The following PCDHGB7 variants were observed in gnomAD, a reference collection of about 807,000 sequenced individuals.
PCDHGB7 encodes the protein protocadherin gamma-B7.
Under a neutral mutation model 61.4 loss-of-function variants are expected in PCDHGB7, and 37 were observed. That is an observed-to-expected ratio of 0.60 (90% CI 0.46 to 0.79). PCDHGB7 has a LOEUF of 0.79. Ranked by LOEUF, PCDHGB7 falls within the 30% of genes least tolerant of loss-of-function variation. PCDHGB7 has a pLI of 0.00. For missense variants in PCDHGB7, 1,166 were observed against 1,202.5 expected (o/e 0.97, Z 0.45); for synonymous variants, 464 against 503.5 (o/e 0.92, Z 1.05).
In PCDHGB7 at chr5:141,476,839, G is replaced by T; in HGVS notation, c.2416-17968G>T. The T allele has an allele frequency of 1.9e-6, 3 of 1,613,610 alleles. No individual in the cohort carries two copies. Among genetic ancestry groups the T allele is most frequent in the East Asian group, 2.2e-5 (1 of 44,862 alleles). ...AGGTGCTGGACGCGAATGACAATGC[G>T]CCTGTCTTCAACCAGTCCTTGTACC... On this transcript the variant is annotated intron_variant, in intron 1 of 3. Coordinates refer to ENST00000398594, the MANE Select transcript of PCDHGB7 (RefSeq NM_018927.4). This position sits in a 1 kb window ranked among gnomAD's most constrained non-coding sequence, Gnocchi z 7.6.
chr5:141,484,907 C>T, intron 1 of PCDHGB7: 1 of 409,994 alleles, frequency 2.4e-6, no homozygotes, highest in Non-Finnish European at 4.3e-6. Context: ...AATGCTGCGA[C>T]GCATTAACCC....
rs1303365585 is a variant in PCDHGB7 at position 141,511,350 on chromosome 5, C to A, written c.*177C>A. 2.1e-5 allele frequency: 30 copies of A among 1,397,076 alleles called. No individual in the cohort carries two copies. Among genetic ancestry groups the A allele is most frequent in the African/African-American group, 1.7e-4 (12 of 68,780 alleles). The allele number at this position is 1,397,076 out of a possible 1,614,324, so 86.5% of individuals were successfully genotyped here. Reference sequence around the variant, plus strand: ...CCCAGTCAGCACCTACCCCTTCCCCCCCAGGGGGTTGAATATGCAAAAGCA... The same window carrying A: ...CCCAGTCAGCACCTACCCCTTCCCCACCAGGGGGTTGAATATGCAAAAGCA... On this transcript the variant is annotated 3_prime_UTR_variant, in exon 4 of 4. Transcript: ENST00000398594.
intron 1 of PCDHGB7, among the ~76,000 whole-genome samples, chr5:141,424,964 A>G (rs62378457): frequency 0.11 from 16,148 of 152,126 alleles, 960 homozygotes; most frequent in African/African-American, 0.17. Flanking sequence ...ATTTGCCCCA[A>G]ATTACTTGGA....
At chr5:141,470,851 A>G (rs1410012138) in intron 1 of PCDHGB7, among the ~76,000 whole-genome samples, 2 of 151,876 alleles carry the variant, frequency 1.3e-5, no homozygotes, top group Non-Finnish European at 2.9e-5. Context: ...CCATGCTCAG[A>G]TAAGTTTTTT....
chr5:141,489,238 G>A lies in PCDHGB7; in HGVS notation c.2416-5569G>A. On this transcript the variant is annotated intron_variant, in intron 1 of 3. Coordinates refer to ENST00000398594, the MANE Select transcript of PCDHGB7 (RefSeq NM_018927.4). The surrounding 1 kb of genome is among the most constrained non-coding windows in gnomAD (Gnocchi z 4.5). ...TTACTCTCCACAAAGGGACTTCTGG[G>A]TCATGGGGCCCAAGACACTCCCACA... 6.5e-7 allele frequency: 1 copy of A among 1,534,146 alleles called. No homozygotes were observed.
chr5:141,433,843 A>C (rs2097657951), intron 1 of PCDHGB7, among the ~76,000 whole-genome samples: 1 of 151,956 alleles, frequency 6.6e-6, no homozygotes, highest in African/African-American at 2.4e-5. Context: ...ATCTCAAAAA[A>C]AAAAAAAAAA....
chr5:141,426,614 G>T (rs1468159807), intron 1 of PCDHGB7: 25 of 385,508 alleles, frequency 6.5e-5, no homozygotes, highest in Non-Finnish European at 1.3e-4. Context: ...TTGTAGCAGA[G>T]AATCCTCTAA....
chr5:141,425,242 G>A (rs2096863400), intron 1 of PCDHGB7, among the ~76,000 whole-genome samples: 1 of 152,128 alleles, frequency 6.6e-6, no homozygotes, highest in South Asian at 2.1e-4. Context: ...TAAATAAAAA[G>A]GATATGAGGT....
chr5:141,476,666 G>C lies in PCDHGB7; in HGVS notation c.2416-18141G>C, dbSNP rs2099395856. On this transcript the variant is annotated intron_variant, in intron 1 of 3. Coordinates refer to ENST00000398594, the MANE Select transcript of PCDHGB7 (RefSeq NM_018927.4). This position sits in a 1 kb window ranked among gnomAD's most constrained non-coding sequence, Gnocchi z 7.6. The stretch of plus-strand genomic sequence containing the variant: ...CCGAAATGAATACTTTGCGCTTCGC[G>C]TGCAGACGCGGGAGGACAGCACCAA... 6.2e-7 allele frequency: 1 copy of C among 1,614,246 alleles called. No individual in the cohort carries two copies. The highest frequency in any genetic ancestry group is 8.5e-7 in the Non-Finnish European group (1 of 1,180,044).
Position 141,420,249 on chromosome 5 carries a change from A to C in PCDHGB7, c.2390A>C (p.Glu797Ala). 4 of 1,580,072 alleles carry C rather than the reference A, an allele frequency of 2.5e-6. No homozygotes were observed. In the Admixed American group the frequency reaches 7.3e-5, roughly 29 times the overall value. Residue 797 changes from glutamate (E) to alanine (A), a missense_variant, in exon 1 of 4, where the codon GAA becomes GCA. Glu to Ala is a moderately radical substitution (Grantham distance 107). Transcript: ENST00000398594. ...LLASILTPSV[E>A]ADKKILKQQA... The stretch of plus-strand genomic sequence containing the variant: ...GCTAGCATTTTAACTCCCAGCGTTG[A>C]AGCAGATAAGAAGATTCTTAAACAG...
chr5:141,431,770 T>A lies in PCDHGB7; in HGVS notation c.2415+11496T>A, dbSNP rs748816389. 7 of 1,614,086 alleles carry A rather than the reference T, an allele frequency of 4.3e-6. No homozygotes were observed. The highest frequency in any genetic ancestry group is 1.3e-5 in the African/African-American group (1 of 74,938). ...CGCGAGCCAAAGTCCTGATCACTGT[T>A]CTGGACGTGAACGACAATGCCCCAG... On this transcript the variant is annotated intron_variant, in intron 1 of 3. Coordinates refer to ENST00000398594, the MANE Select transcript of PCDHGB7 (RefSeq NM_018927.4). This position sits in a 1 kb window ranked among gnomAD's most constrained non-coding sequence, Gnocchi z 4.8.
chr5:141,502,308 C>T (rs928137926), intron 2 of PCDHGB7, among the ~76,000 whole-genome samples: 2 of 151,586 alleles, frequency 1.3e-5, no homozygotes, highest in Non-Finnish European at 2.9e-5. Flanking sequence ...CTTTCCTCTC[C>T]TTTAATCTGG....
chr5:141,510,613 C>T (rs559713771), intron 3 of PCDHGB7, among the ~76,000 whole-genome samples: 17 of 152,298 alleles, frequency 1.1e-4, no homozygotes, highest in Admixed American at 2.0e-4. Context: ...TTAGCATTCA[C>T]TAAAACCAGA....
intron 1 of PCDHGB7, chr5:141,427,985 C>T (rs747784722): frequency 3.1e-6 from 5 of 1,597,522 alleles, no homozygotes; most frequent in African/African-American, 2.7e-5. Context: ...CGCTGGGGCC[C>T]GATGGCTCCG....
chr5:141,479,752 T>C (rs770200359), intron 1 of PCDHGB7: 4 of 152,236 alleles, frequency 2.6e-5, no homozygotes, highest in Non-Finnish European at 4.4e-5. Context: ...ATGTGAAAGG[T>C]AGATAAATTC....
At position 141,418,465 on chromosome 5, in the gene PCDHGB7, A is replaced by G. The variant is rs2096261082; in HGVS notation, c.606A>G (p.Arg202=). ...PELVLQKTLD[R]ETQSAHHLVL... is the part of the protein sequence containing the mutation. ...TAGTATTGCAGAAGACTCTGGACCG[A>G]GAAACGCAGAGCGCTCACCACTTGG... Residue 202 remains arginine (R), a synonymous_variant, in exon 1 of 4, where the codon CGA becomes CGG. Transcript: ENST00000398594. 1 of 1,614,022 alleles carries G rather than the reference A, an allele frequency of 6.2e-7. No individual in the cohort carries two copies. The highest frequency in any genetic ancestry group is 8.5e-7 in the Non-Finnish European group (1 of 1,179,892).
chr5:141,479,625 T>C (rs2099501262), intron 1 of PCDHGB7: 1 of 152,228 alleles, frequency 6.6e-6, no homozygotes, highest in Non-Finnish European at 1.5e-5. Flanking sequence ...ACCATGTCTC[T>C]TTAACAATAA....
chr5:141,430,944 G>C (rs1417018095), intron 1 of PCDHGB7: 1 of 1,609,214 alleles, frequency 6.2e-7, no homozygotes, highest in Non-Finnish European at 8.5e-7. Flanking sequence ...CTCGCGGAGC[G>C]CGGAGTCCGC....
In PCDHGB7 at chr5:141,432,601, G is replaced by A. The variant is rs1313279772; in HGVS notation, c.2415+12327G>A. The A allele has an allele frequency of 5.6e-6, 9 of 1,613,950 alleles. No homozygotes were observed. Among genetic ancestry groups the A allele is most frequent in the Admixed American group, 1.7e-5 (1 of 60,030 alleles). On this transcript the variant is annotated intron_variant, in intron 1 of 3. Transcript: ENST00000398594. The surrounding 1 kb of genome is among the most constrained non-coding windows in gnomAD (Gnocchi z 6.0). ...ACCGTCTGCTCAAGGCCAGCGAGCC[G>A]GGACTCTTCTCGGTGGGTCTGCACA...
Sources: allele counts gnomAD v4.1 joint callset (sites outside exome capture counted in the v4.1 genomes callset), GRCh38; gene constraint gnomAD v4.1.1; non-coding constraint Gnocchi (gnomAD v3.1); transcripts MANE v1.5; gene names NCBI Gene and HGNC (gene_info 2026-07-23, HGNC 2026-07-21).